DESI2: variants seen among roughly 807,000 people sequenced by gnomAD.
The protein encoded by DESI2 is desumoylating isopeptidase 2, also known as deubiquitinase DESI2.
In DESI2, 10 loss-of-function variants were observed where a neutral mutation model predicts 24.1. The ratio of observed to expected loss-of-function variants is 0.41; its 90% confidence interval spans 0.26 to 0.70. The LOEUF (loss-of-function observed/expected upper bound fraction) is 0.70. Ranked by LOEUF, DESI2 falls within the 30% of genes least tolerant of loss-of-function variation. The pLI is 0.29. For synonymous variants in DESI2, 71 were observed against 87.7 expected, an observed-to-expected ratio of 0.81 and a Z score of 1.06; for missense variants, 122 against 234.9, an observed-to-expected ratio of 0.52 and a Z score of 3.14.
At chr1:244,676,383 C>A (rs760996310) in intron 1 of DESI2, among the ~76,000 whole-genome samples, 1 of 151,854 alleles carries the variant, frequency 6.6e-6, no homozygotes, top group Non-Finnish European at 1.5e-5. Context: ...GGCCTACAAT[C>A]GATTTTTATA....
chr1:244,689,380 G>GTGCC lies in DESI2; in HGVS notation c.209+39_209+42dup. 1 of 965,966 alleles carries GTGCC rather than the reference G, an allele frequency of 1.0e-6. No homozygotes were observed. 59.8% of individuals were successfully genotyped at this position (965,966 alleles called of 1,614,324 possible). ...GATAATTTTTATTACACTGTCTTAG[G>GTGCC]TGCCATAGCTTGTTTTCAGGTATAC... On this transcript the variant is annotated intron_variant, in intron 3 of 4. Transcript: ENST00000302550. The surrounding 1 kb of genome is among the most constrained non-coding windows in gnomAD (Gnocchi z 4.0).
At chr1:244,677,071 C>T (rs1676439366) in intron 1 of DESI2, among the ~76,000 whole-genome samples, 1 of 151,824 alleles carries the variant, frequency 6.6e-6, no homozygotes, top group African/African-American at 2.4e-5. Flanking sequence ...TTTATCTGGC[C>T]TCATAGAATG....
At chr1:244,669,403 T>C (rs192277323) in intron 1 of DESI2, among the ~76,000 whole-genome samples, 2 of 152,102 alleles carry the variant, frequency 1.3e-5, no homozygotes, top group East Asian at 3.9e-4. Context: ...GACTGGCCAG[T>C]TGCTCTGGCT....
chr1:244,662,558 G>C (rs1232210735), intron 1 of DESI2, among the ~76,000 whole-genome samples: 1 of 152,132 alleles, frequency 6.6e-6, no homozygotes, highest in Non-Finnish European at 1.5e-5. Flanking sequence ...CCAGAAAATA[G>C]TTAAATAATG....
intron 1 of DESI2, among the ~76,000 whole-genome samples, chr1:244,673,209 A>C (rs910696534): frequency 6.6e-6 from 1 of 152,176 alleles, no homozygotes; most frequent in African/African-American, 2.4e-5. Context: ...CGTGTTCTCT[A>C]ATAATAGATC....
intron 1 of DESI2, among the ~76,000 whole-genome samples, chr1:244,672,177 G>T (rs985129797): frequency 6.6e-6 from 1 of 152,086 alleles, no homozygotes; most frequent in African/African-American, 2.4e-5. Context: ...CTTAAAAAAA[G>T]AAATGTTGGA....
intron 1 of DESI2, among the ~76,000 whole-genome samples, chr1:244,683,500 A>G (rs1676698886): frequency 6.6e-6 from 1 of 151,800 alleles, no homozygotes; most frequent in Non-Finnish European, 1.5e-5. Context: ...TTCAGTAGAG[A>G]CAGGGTTTCA....
chr1:244,654,305 G>C (rs1335729751), intron 1 of DESI2, among the ~76,000 whole-genome samples: 2 of 152,200 alleles, frequency 1.3e-5, no homozygotes, highest in African/African-American at 4.8e-5. Flanking sequence ...TTCCTTGTAA[G>C]TTGACTGACA....
At chr1:244,665,532 A>T (rs1171815592) in intron 1 of DESI2, among the ~76,000 whole-genome samples, 1 of 152,210 alleles carries the variant, frequency 6.6e-6, no homozygotes, top group Non-Finnish European at 1.5e-5. Flanking sequence ...TTTCTGTCAT[A>T]GTTAATGCTA....
At chr1:244,663,115 G>A (rs1459606968) in intron 1 of DESI2, among the ~76,000 whole-genome samples, 1 of 151,722 alleles carries the variant, frequency 6.6e-6, no homozygotes, top group Non-Finnish European at 1.5e-5. Context: ...AGGGTCAAAA[G>A]GATCAAGTGA....
chr1:244,668,539 T>G (rs1676129748), intron 1 of DESI2, among the ~76,000 whole-genome samples: 2 of 152,212 alleles, frequency 1.3e-5, no homozygotes, highest in Admixed American at 1.3e-4. Flanking sequence ...GATTCTAGTT[T>G]TTGAGGAGAA....
chr1:244,653,963 C>T (rs953712524), intron 1 of DESI2: 11 of 471,036 alleles, frequency 2.3e-5, no homozygotes, highest in Non-Finnish European at 4.4e-5. Context: ...GAAAATAGCC[C>T]AGCTGAATTA....
chr1:244,698,516 T>TG (rs1368083032), intron 4 of DESI2, among the ~76,000 whole-genome samples: 1 of 152,232 alleles, frequency 6.6e-6, no homozygotes, highest in African/African-American at 2.4e-5. Flanking sequence ...GAAACATGAC[T>TG]GGCCCTTCAG....
At chr1:244,682,231 C>T (rs554436003) in intron 1 of DESI2, among the ~76,000 whole-genome samples, 15 of 152,204 alleles carry the variant, frequency 9.9e-5, no homozygotes, top group East Asian at 3.9e-4. Flanking sequence ...TGGCCACACC[C>T]GCATCCCACT....
At position 244,663,911 on chromosome 1, in the gene DESI2, G is replaced by A. The variant is rs539818467; in HGVS notation, c.42+10556G>A. Among the ~76,000 whole-genome samples the A allele has an allele frequency of 1.8e-4, 27 of 151,868 alleles. 1 individual carries two copies. The South Asian group carries it at 5.0e-3, about 28-fold the overall frequency. ...CGGGCGCCTGTAGTCCCAGCTGCTC[G>A]GGAGGCTGAGGCAGGAGAATGGCGT... On this transcript the variant is annotated intron_variant, in intron 1 of 4. Coordinates refer to ENST00000302550, the MANE Select transcript of DESI2 (RefSeq NM_016076.5).
intron 1 of DESI2, among the ~76,000 whole-genome samples, chr1:244,657,027 C>T (rs1383551928): frequency 6.6e-6 from 1 of 152,208 alleles, no homozygotes; most frequent in South Asian, 2.1e-4. Flanking sequence ...CCCGCCTCAG[C>T]GTCCCAAAGT....
chr1:244,653,385 C>A, intron 1 of DESI2, 30 bp downstream of exon 1: 1 of 1,540,524 alleles, frequency 6.5e-7, no homozygotes. Context: ...GCCCCGAGCC[C>A]TGGCCCAGGC....
At chr1:244,660,021 G>C (rs6687556) in intron 1 of DESI2, among the ~76,000 whole-genome samples, 149,704 of 152,360 alleles carry the variant, frequency 0.98, 73,611 homozygotes, top group East Asian at 1. Flanking sequence ...TACCGTTCCA[G>C]TGTATATCAG....
chr1:244,694,439 AC>A (rs1677138195), intron 4 of DESI2: 2 of 761,610 alleles, frequency 2.6e-6, no homozygotes, highest in African/African-American at 3.4e-5. Flanking sequence ...CTTAAGATGA[AC>A]TGGATGCTGC....
Sources: allele counts gnomAD v4.1 joint callset (sites outside exome capture counted in the v4.1 genomes callset), GRCh38; gene constraint gnomAD v4.1.1; non-coding constraint Gnocchi (gnomAD v3.1); transcripts MANE v1.5; gene names NCBI Gene and HGNC (gene_info 2026-07-23, HGNC 2026-07-21).